LRRTM4: variants seen among roughly 807,000 people sequenced by gnomAD.
LRRTM4 encodes leucine rich repeat transmembrane neuronal 4.
Under a neutral mutation model 47.6 loss-of-function variants are expected in LRRTM4, and 25 were observed. The ratio of observed to expected loss-of-function variants is 0.53; its 90% CI spans 0.38 to 0.73. The LOEUF (loss-of-function observed/expected upper bound fraction) is 0.73. Among genes scored for constraint, LRRTM4 ranks in the 30% least tolerant of loss-of-function variants. The pLI, the probability that LRRTM4 is intolerant of heterozygous loss-of-function variation, is 0.00. For synonymous variants in LRRTM4, 311 were observed against 269.5 expected, an observed-to-expected ratio of 1.15 and a Z score of -1.51; for missense variants, 638 against 713.4, an observed-to-expected ratio of 0.89 and a Z score of 1.20.
chr2:77,079,838 T>C, intron 3 of LRRTM4, among the ~76,000 whole-genome samples: 1 of 152,190 alleles, frequency 6.6e-6, no homozygotes, highest in East Asian at 1.9e-4. Flanking sequence ...TTTACTTTTT[T>C]TTAGTTTTCT....
At chr2:77,073,954 T>C (rs1680248562) in intron 3 of LRRTM4, among the ~76,000 whole-genome samples, 1 of 152,090 alleles carries the variant, frequency 6.6e-6, no homozygotes, top group African/African-American at 2.4e-5. Flanking sequence ...CATTTATCTT[T>C]ATGAGAAATG....
At chr2:76,759,064 CT>C in intron 3 of LRRTM4, among the ~76,000 whole-genome samples, 1 of 152,010 alleles carries the variant, frequency 6.6e-6, no homozygotes, top group East Asian at 1.9e-4. Context: ...ATTAAAAAAA[CT>C]AAAATCATTT....
intron 3 of LRRTM4, among the ~76,000 whole-genome samples, chr2:77,429,891 C>T (rs756903503): frequency 6.6e-6 from 1 of 152,060 alleles, no homozygotes; most frequent in African/African-American, 2.4e-5. Flanking sequence ...CATGGTGAAG[C>T]CCTGTCTCTA....
At chr2:76,900,440 T>C (rs916219320) in intron 3 of LRRTM4, among the ~76,000 whole-genome samples, 31 of 152,308 alleles carry the variant, frequency 2.0e-4, no homozygotes, top group African/African-American at 7.0e-4. Context: ...CCAATAGTCA[T>C]TGCTCACATT....
chr2:76,870,163 A>G (rs1023521483), intron 3 of LRRTM4, among the ~76,000 whole-genome samples: 12 of 152,286 alleles, frequency 7.9e-5, no homozygotes, highest in Non-Finnish European at 1.6e-4. Flanking sequence ...TTATCCTACT[A>G]AAGCCCTCCA....
At chr2:77,340,509 A>C (rs1312600778) in intron 3 of LRRTM4, among the ~76,000 whole-genome samples, 2 of 152,002 alleles carry the variant, frequency 1.3e-5, no homozygotes, top group Non-Finnish European at 2.9e-5. Flanking sequence ...TATAAACTTA[A>C]ATGCTGAAAT....
chr2:76,990,661 A>T (rs1189802888), intron 3 of LRRTM4, among the ~76,000 whole-genome samples: 1 of 151,890 alleles, frequency 6.6e-6, no homozygotes, highest in Non-Finnish European at 1.5e-5. Flanking sequence ...AAATAGGTCT[A>T]GACCTACAAA....
intron 3 of LRRTM4, among the ~76,000 whole-genome samples, chr2:77,088,731 C>T (rs140272227): frequency 0.015 from 2,283 of 152,284 alleles, 23 homozygotes; most frequent in Admixed American, 0.024. Context: ...ATCCCCCGTC[C>T]TCCTGCTCTT....
chr2:76,955,341 GAA>G (rs931383961), intron 3 of LRRTM4, among the ~76,000 whole-genome samples: 26 of 151,788 alleles, frequency 1.7e-4, no homozygotes, highest in African/African-American at 6.3e-4. Flanking sequence ...TCCGTTGGGA[GAA>G]AAAAAGTGTA....
At chr2:77,375,837 A>G (rs1672819758) in intron 3 of LRRTM4, among the ~76,000 whole-genome samples, 1 of 151,702 alleles carries the variant, frequency 6.6e-6, no homozygotes, top group African/African-American at 2.4e-5. Context: ...TTAACCATCT[A>G]CTGACATTTA....
At chr2:77,471,029 C>T (rs1037616588) in intron 3 of LRRTM4, among the ~76,000 whole-genome samples, 2 of 152,110 alleles carry the variant, frequency 1.3e-5, no homozygotes, top group Non-Finnish European at 2.9e-5. Flanking sequence ...TTGCTGACTT[C>T]TGATGTCTAT....
At chr2:77,218,847 C>T (rs2103941875) in intron 3 of LRRTM4, among the ~76,000 whole-genome samples, 1 of 152,186 alleles carries the variant, frequency 6.6e-6, no homozygotes, top group East Asian at 1.9e-4. Context: ...CCAGACTGAG[C>T]ATTGTTGATG....
At chr2:77,248,284 TA>T (rs746205380) in intron 3 of LRRTM4, among the ~76,000 whole-genome samples, 1 of 151,910 alleles carries the variant, frequency 6.6e-6, no homozygotes, top group Non-Finnish European at 1.5e-5. Context: ...AGTTGCAAAT[TA>T]AAATATGAAC....
chr2:77,105,125 T>C (rs1671061531), intron 3 of LRRTM4, among the ~76,000 whole-genome samples: 2 of 151,752 alleles, frequency 1.3e-5, no homozygotes, highest in African/African-American at 4.8e-5. Flanking sequence ...TTTAGAAATA[T>C]GCCAATAAGT....
intron 3 of LRRTM4, among the ~76,000 whole-genome samples, chr2:77,484,495 T>A (rs1677837344): frequency 6.6e-6 from 1 of 152,230 alleles, no homozygotes; most frequent in Admixed American, 6.5e-5. Flanking sequence ...GATTTGAGAT[T>A]TGTCTGTGGT....
intron 3 of LRRTM4, among the ~76,000 whole-genome samples, chr2:76,957,922 G>GTA (rs969403404): frequency 2.0e-5 from 3 of 150,194 alleles, no homozygotes; most frequent in African/African-American, 7.5e-5. Flanking sequence ...TTGTGTGTGT[G>GTA]TATATATATG....
intron 3 of LRRTM4, among the ~76,000 whole-genome samples, chr2:76,876,275 C>T (rs911995534): frequency 1.3e-5 from 2 of 152,056 alleles, no homozygotes; most frequent in Non-Finnish European, 2.9e-5. Flanking sequence ...AAAAGATACT[C>T]ATAATAGGAT....
chr2:77,387,935 G>A (rs1387310371), intron 3 of LRRTM4, among the ~76,000 whole-genome samples: 1 of 151,934 alleles, frequency 6.6e-6, no homozygotes. Context: ...AATTGATCAG[G>A]ATATTTAAAT....
chr2:76,877,377 AT>A (rs5832259), intron 3 of LRRTM4, among the ~76,000 whole-genome samples: 32,516 of 150,548 alleles, frequency 0.22, 3,717 homozygotes, highest in Admixed American at 0.28. Flanking sequence ...AATTTCTGAG[AT>A]TTTTTTTTTC....
Sources: gnomAD v4.1 joint callset for allele counts (sites outside exome capture counted in the v4.1 genomes callset) on GRCh38, gnomAD v4.1.1 for gene constraint, MANE v1.5 for transcripts, NCBI Gene and HGNC (gene_info 2026-07-23, HGNC 2026-07-21) for gene names.